Variants in SMCHD1 observed in about 807,000 individuals in gnomAD.
SMCHD1 encodes structural maintenance of chromosomes flexible hinge domain-containing protein 1.
A neutral mutation model predicts 254.7 loss-of-function variants in SMCHD1; 78 were observed. The observed-to-expected ratio is 0.31, with a 90% confidence interval of 0.26 to 0.37. SMCHD1 has a LOEUF of 0.37. Ranked by LOEUF, SMCHD1 falls within the 10% of genes least tolerant of loss-of-function variation. SMCHD1 has a pLI of 1.00. For missense variants in SMCHD1, 1,840 were observed against 2,408.1 expected (o/e 0.76, Z 4.94); for synonymous variants, 766 against 794.9 (o/e 0.96, Z 0.61).
chr18:2,710,366 A>G (rs576814072), intron 17 of SMCHD1, among the ~76,000 whole-genome samples: 1 of 152,092 alleles, frequency 6.6e-6, no homozygotes, highest in Non-Finnish European at 1.5e-5. Flanking sequence ...TGTTTTGGCT[A>G]TTTGGGTCCA....
In SMCHD1 at chr18:2,775,068, A is replaced by ATTTTT. The variant is rs10601895; in HGVS notation, c.5176-639_5176-635dup. Among the ~76,000 whole-genome samples, 149 of 73,064 alleles carry ATTTTT rather than the reference A, an allele frequency of 2.0e-3. 6 individuals carry two copies. Among genetic ancestry groups the ATTTTT allele is most frequent in the African/African-American group, 4.0e-3 (90 of 22,416 alleles). 47.9% of individuals were successfully genotyped at this position (73,064 alleles called of 152,430 possible). A position where few individuals can be genotyped will look rare whatever the true frequency, so the allele number is the denominator to read the frequency against. ...CCTAGAAACAGAAGCAAAAGGAACA[A>ATTTTT]TTTTTTTTTTTTTTTTTTTTTTTTT... On this transcript the variant is annotated intron_variant, in intron 41 of 47. Transcript: ENST00000320876.
In SMCHD1 at chr18:2,694,607, C is replaced by T. The variant is rs769558309; in HGVS notation, c.954C>T (p.Ser318=). The T allele has an allele frequency of 1.2e-6, 2 of 1,611,616 alleles. No individual in the cohort carries two copies. Among genetic ancestry groups the T allele is most frequent in the Admixed American group, 3.3e-5 (2 of 59,966 alleles). Residue 318 remains serine (S), a synonymous_variant, in exon 8 of 48, where the codon AGC becomes AGT. Transcript: ENST00000320876. The part of the protein sequence containing the change: ...HLIIEEKEKD[S]FTAVVITGVQ... ...TCATAGAGGAGAAGGAAAAAGATAGCTTTACTGCTGTGGTTATCACAGGGG... is the reference window on the plus strand; with the variant it reads ...TCATAGAGGAGAAGGAAAAAGATAGTTTTACTGCTGTGGTTATCACAGGGG...
intron 23 of SMCHD1, 126 bp from the exon 24 acceptor site, chr18:2,729,149 A>T: frequency 1.5e-6 from 1 of 684,210 alleles, no homozygotes; most frequent in Non-Finnish European, 2.1e-6. Context: ...AGTGACTTTT[A>T]CTTAGAATTT....
intron 37 of SMCHD1, among the ~76,000 whole-genome samples, chr18:2,767,007 C>T (rs1014186337): frequency 1.3e-5 from 2 of 152,138 alleles, no homozygotes; most frequent in Admixed American, 6.5e-5. Flanking sequence ...TGCCTATAAC[C>T]TTAACACTTT....
intron 17 of SMCHD1, among the ~76,000 whole-genome samples, chr18:2,711,725 G>T (rs940582822): frequency 6.6e-6 from 1 of 151,542 alleles, no homozygotes; most frequent in Non-Finnish European, 1.5e-5. Flanking sequence ...CTCGTGATCC[G>T]CCCGCCTCGG....
At chr18:2,775,663 G>A in intron 41 of SMCHD1, 71 bp from the exon 42 acceptor site, 1 of 1,356,600 alleles carries the variant, frequency 7.4e-7, no homozygotes, top group Non-Finnish European at 9.9e-7. Flanking sequence ...CCTAGGCTTG[G>A]GCTTTTAACA....
chr18:2,656,775 C>CA (rs2073075558), intron 1 of SMCHD1, among the ~76,000 whole-genome samples: 2 of 152,148 alleles, frequency 1.3e-5, no homozygotes, highest in African/African-American at 4.8e-5. Flanking sequence ...GTCGAGGTTG[C>CA]AGGTCCTTCT....
chr18:2,773,698 C>T (rs574189191), intron 41 of SMCHD1, among the ~76,000 whole-genome samples: 2 of 152,226 alleles, frequency 1.3e-5, no homozygotes, highest in South Asian at 4.1e-4. Context: ...AAGACAGGCG[C>T]ATTACCTGAG....
At chr18:2,797,420 A>G (rs117272425) in intron 47 of SMCHD1, among the ~76,000 whole-genome samples, 1 of 152,220 alleles carries the variant, frequency 6.6e-6, no homozygotes, top group Non-Finnish European at 1.5e-5. Flanking sequence ...ATGTTTTCTC[A>G]TATCAACCGT....
intron 1 of SMCHD1, among the ~76,000 whole-genome samples, chr18:2,661,962 C>G (rs1238243562): frequency 1.2e-5 from 1 of 82,856 alleles, no homozygotes; most frequent in African/African-American, 5.3e-5. Flanking sequence ...CGAGACCATC[C>G]TGGCTAACAA....
At chr18:2,689,033 AGGGTAAT>A (rs1598318123) in intron 7 of SMCHD1, among the ~76,000 whole-genome samples, 1 of 152,248 alleles carries the variant, frequency 6.6e-6, no homozygotes, top group East Asian at 1.9e-4. Flanking sequence ...AAACAGTAAC[AGGGTAAT>A]GGACTTTCAG....
chr18:2,748,551 T>C (rs2075513088), intron 30 of SMCHD1, among the ~76,000 whole-genome samples: 1 of 151,748 alleles, frequency 6.6e-6, no homozygotes, highest in African/African-American at 2.4e-5. Context: ...TGTGCCATCA[T>C]GCCCAGCTAA....
chr18:2,712,012 G>A (rs1028364659), intron 17 of SMCHD1, among the ~76,000 whole-genome samples: 1 of 152,128 alleles, frequency 6.6e-6, no homozygotes, highest in Admixed American at 6.6e-5. Flanking sequence ...AGCAGCCTGA[G>A]GCTTTCACCA....
At chr18:2,774,660 C>T (rs2143765268) in intron 41 of SMCHD1, among the ~76,000 whole-genome samples, 1 of 152,260 alleles carries the variant, frequency 6.6e-6, no homozygotes, top group Non-Finnish European at 1.5e-5. Flanking sequence ...ACTCTGCCTG[C>T]CTGAACTCCC....
At chr18:2,706,675 G>T in intron 15 of SMCHD1, 1 of 408,786 alleles carries the variant, frequency 2.4e-6, no homozygotes, top group Non-Finnish European at 4.4e-6. Flanking sequence ...AGACAAAGAA[G>T]GAAATCTTAT....
At chr18:2,686,755 T>C (rs1425580193) in intron 5 of SMCHD1, among the ~76,000 whole-genome samples, 1 of 152,050 alleles carries the variant, frequency 6.6e-6, no homozygotes, top group Non-Finnish European at 1.5e-5. Flanking sequence ...GGGAGGGTAT[T>C]GTGAGGGGAT....
chr18:2,790,770 A>C (rs1260595411), intron 45 of SMCHD1, among the ~76,000 whole-genome samples: 1 of 152,232 alleles, frequency 6.6e-6, no homozygotes, highest in African/African-American at 2.4e-5. Context: ...CAAAAAACAA[A>C]ATACCACAGT....
At chr18:2,678,835 T>TTTGTTTGTTTG (rs2073844025) in intron 5 of SMCHD1, among the ~76,000 whole-genome samples, 1 of 35,018 alleles carries the variant, frequency 2.9e-5, no homozygotes, top group African/African-American at 3.8e-5. Flanking sequence ...TTTTTTTTTT[T>TTTGTTTGTTTG]TTTGTTTGTT....
rs74270564 is a variant in SMCHD1, at chr18:2,674,160, CTT to C, written c.638+26_638+27del. 3.6e-4 allele frequency: 453 copies of C among 1,248,382 alleles called. No homozygotes were observed. Among genetic ancestry groups the C allele is most frequent in the Admixed American group, 1.2e-3 (43 of 35,092 alleles). The allele number at this position is 1,248,382 out of a possible 1,614,324, so 77.3% of individuals were successfully genotyped here. On this transcript the variant is annotated intron_variant, in intron 5 of 47. Transcript: ENST00000320876. ...GACTTTGAAAGGTTAGAAAACCTTA[CTT>C]TTTTTTTTTTGTGGGTAGCTATGTA...
Sources: gnomAD v4.1 joint callset for allele counts (sites outside exome capture counted in the v4.1 genomes callset) on GRCh38, gnomAD v4.1.1 for gene constraint, MANE v1.5 for transcripts, NCBI Gene and HGNC (gene_info 2026-07-23, HGNC 2026-07-21) for gene names.